Variants in HTT observed in about 807,000 individuals in gnomAD.
The protein encoded by HTT is huntingtin.
HTT carries 104 observed loss-of-function variants against 362.3 expected under a neutral mutation model. The ratio of observed to expected loss-of-function variants is 0.29; its 90% CI spans 0.24 to 0.34. HTT has a LOEUF of 0.34. HTT is among the 10% of genes least tolerant of loss of function. The probability of loss-of-function intolerance (pLI) is 1.00; values close to 1 mark genes in which losing one functional copy is unlikely to be tolerated. For synonymous variants in HTT, 1,577 were observed against 1,548.7 expected, an observed-to-expected ratio of 1.02 and a Z score of -0.43; for missense variants, 3,301 against 3,928.6, an observed-to-expected ratio of 0.84 and a Z score of 4.27.
intron 10 of HTT, 114 bp from the exon 11 acceptor site, chr4:3,125,431 TAAAC>T: frequency 1.6e-6 from 1 of 617,760 alleles, no homozygotes; most frequent in Non-Finnish European, 2.9e-6. Flanking sequence ...TATATGATGA[TAAAC>T]TATATTAGAG....
intron 33 of HTT, 31 bp from the exon 34 acceptor site, chr4:3,177,301 T>C (rs1208250807): frequency 6.9e-7 from 1 of 1,459,640 alleles, no homozygotes; most frequent in South Asian, 1.2e-5. Context: ...AATCCTATTA[T>C]TGATGTGAAA....
At chr4:3,181,972 A>G (rs559874492) in intron 36 of HTT, among the ~76,000 whole-genome samples, 4 of 152,386 alleles carry the variant, frequency 2.6e-5, no homozygotes, top group South Asian at 2.1e-4. Flanking sequence ...CACAAAGGCA[A>G]TGAGCCACCT....
rs748779241 is a variant in HTT at position 3,103,221 on chromosome 4, A to ATTTT, written c.469-586_469-583dup. 2.7e-4 allele frequency among the ~76,000 whole-genome samples: 29 copies of ATTTT among 109,036 alleles called. 2 individuals carry two copies. Among genetic ancestry groups the ATTTT allele is most frequent in the African/African-American group, 7.8e-4 (21 of 26,954 alleles). 71.5% of individuals were successfully genotyped at this position (109,036 alleles called of 152,430 possible). A position where few individuals can be genotyped will look rare whatever the true frequency, so the allele number is the denominator to read the frequency against. On this transcript the variant is annotated intron_variant, in intron 3 of 66. Transcript: ENST00000355072. ...TATATATATAAATCCTATATATATA[A>ATTTT]TTTTTTTTTTTTTTTTTTTTGAGAT...
Position 3,173,108 on chromosome 4 carries a change from G to A in HTT, c.4143G>A (p.Ala1381=), listed in dbSNP as rs771036396. ...ADASLRNMVQ[A]EQENDTSGWF... Reference sequence around the variant, plus strand: ...CCAGCCTGAGGAACATGGTGCAGGCGGAGCAGGAGAACGACACCTCGGGGT... The same window carrying A: ...CCAGCCTGAGGAACATGGTGCAGGCAGAGCAGGAGAACGACACCTCGGGGT... The change falls in exon 31 of 67, where the codon GCG becomes GCA. Residue 1381 remains alanine, a synonymous_variant. Coordinates refer to ENST00000355072, the MANE Select transcript of HTT (RefSeq NM_001388492.1). 6.8e-6 allele frequency: 11 copies of A among 1,614,046 alleles called. No homozygotes were observed. The highest frequency in any genetic ancestry group is 8.5e-6 in the Non-Finnish European group (10 of 1,180,020).
At chr4:3,182,801 C>G (rs550140039) in intron 37 of HTT, among the ~76,000 whole-genome samples, 1 of 152,328 alleles carries the variant, frequency 6.6e-6, no homozygotes, top group African/African-American at 2.4e-5. Flanking sequence ...CTCCTGCATT[C>G]TGGTCAACCC....
rs528820725 is a variant in HTT, at chr4:3,114,547, C to T, written c.748-757C>T. On this transcript the variant is annotated intron_variant, in intron 6 of 66. Transcript: ENST00000355072. ...CTTATTTGCCCAGGCGTAGCTCTGA[C>T]AGAGTCCCCGACTCATAGTGCTTGC... Among the ~76,000 whole-genome samples, 273 of 152,352 alleles carry T rather than the reference C, an allele frequency of 1.8e-3. 1 individual carries two copies. The highest frequency in any genetic ancestry group is 3.4e-3 in the Middle Eastern group (1 of 294).
intron 57 of HTT, among the ~76,000 whole-genome samples, chr4:3,227,242 A>G (rs1320526684): frequency 2.0e-5 from 3 of 146,948 alleles, no homozygotes; most frequent in Non-Finnish European, 3.0e-5. Flanking sequence ...GCTGAAGTAC[A>G]GTGCCACCCC....
chr4:3,190,263 C>G (rs753174883), intron 40 of HTT, among the ~76,000 whole-genome samples: 2 of 151,394 alleles, frequency 1.3e-5, no homozygotes, highest in Non-Finnish European at 2.9e-5. Context: ...GGGAGGATCT[C>G]TTGAGCTCAG....
rs140568040 is a variant in HTT at position 3,156,987 on chromosome 4, A to C, written c.3626-85A>C. 3.3e-4 allele frequency: 381 copies of C among 1,158,420 alleles called. 1 individual carries two copies. The African/African-American group carries it at 5.5e-3, about 17-fold the overall frequency. The allele number at this position is 1,158,420 out of a possible 1,614,324, so 71.8% of individuals were successfully genotyped here. A position where few individuals can be genotyped will look rare whatever the true frequency, so the allele number is the denominator to read the frequency against. ...ATATTTTCATACTAGAATACTTTAAAAAATCATGATTTCCAGTAATCTCTT... is the reference window on the plus strand; with the variant it reads ...ATATTTTCATACTAGAATACTTTAACAAATCATGATTTCCAGTAATCTCTT... On this transcript the variant is annotated intron_variant, in intron 27 of 66. Transcript: ENST00000355072.
chr4:3,167,017 G>C (rs1717748974), intron 29 of HTT, among the ~76,000 whole-genome samples: 1 of 152,238 alleles, frequency 6.6e-6, no homozygotes, highest in African/African-American at 2.4e-5. Context: ...CCTGTCTTCT[G>C]TGTCGATCTC....
chr4:3,123,820 T>C (rs947822197), intron 10 of HTT, among the ~76,000 whole-genome samples: 1 of 152,266 alleles, frequency 6.6e-6, no homozygotes, highest in Non-Finnish European at 1.5e-5. Context: ...GTTTGTGATA[T>C]AATCTGCTAG....
At chr4:3,167,935 G>C (rs1717790466) in intron 29 of HTT, among the ~76,000 whole-genome samples, 1 of 152,060 alleles carries the variant, frequency 6.6e-6, no homozygotes, top group African/African-American at 2.4e-5. Context: ...CTTTTTTGCT[G>C]TTTCAAGACA....
At chr4:3,136,368 G>T (rs747101045) in intron 21 of HTT, 42 bp downstream of exon 21, 1 of 1,063,350 alleles carries the variant, frequency 9.4e-7, no homozygotes, top group South Asian at 1.3e-5. Flanking sequence ...TTTGGTTGAA[G>T]TACTAAAAGA....
At chr4:3,133,103 G>C (rs1486608593) in intron 18 of HTT, among the ~76,000 whole-genome samples, 192 bp downstream of exon 18, 1 of 152,116 alleles carries the variant, frequency 6.6e-6, no homozygotes, top group Non-Finnish European at 1.5e-5. Flanking sequence ...ATAAACTTCA[G>C]TTTAAGTTCT....
intron 26 of HTT, 40 bp downstream of exon 26, chr4:3,148,247 T>C (rs764510952): frequency 2.8e-6 from 4 of 1,407,990 alleles, no homozygotes; most frequent in Non-Finnish European, 3.8e-6. Flanking sequence ...ACAGCCTTAA[T>C]GACTATGGGT....
intron 64 of HTT, among the ~76,000 whole-genome samples, chr4:3,237,173 A>C (rs1371375850): frequency 6.6e-6 from 1 of 151,806 alleles, no homozygotes; most frequent in African/African-American, 2.4e-5. Context: ...TCCCGGGTTC[A>C]AGTGATTCTC....
chr4:3,186,801 G>C, intron 38 of HTT, 82 bp downstream of exon 38: 1 of 1,164,300 alleles, frequency 8.6e-7, no homozygotes, highest in Non-Finnish European at 1.2e-6. Flanking sequence ...CAGAATGTCT[G>C]AGTCAGTCAG....
chr4:3,163,463 C>T (rs536867695), intron 29 of HTT, among the ~76,000 whole-genome samples: 107 of 152,296 alleles, frequency 7.0e-4, no homozygotes, highest in Non-Finnish European at 1.2e-3. Flanking sequence ...GGAGGATTCT[C>T]TCTTTTTCTA....
Position 3,233,303 on chromosome 4 carries a change from C to T in HTT, c.8406C>T (p.Leu2802=), listed in dbSNP as rs1358762450. 2 of 1,609,362 alleles carry T rather than the reference C, an allele frequency of 1.2e-6. No homozygotes were observed. Among genetic ancestry groups the T allele is most frequent in the South Asian group, 2.2e-5 (2 of 91,008 alleles). The change falls in exon 61 of 67, where the codon CTC becomes CTT. Residue 2802 remains leucine, a synonymous_variant. Coordinates refer to ENST00000355072, the MANE Select transcript of HTT (RefSeq NM_001388492.1). ...TGCTGGACGACACTGCCAAGCAGCT[C>T]ATCCCGGTCATCAGCGACTATCTCC... The part of the protein sequence containing the change: ...CDLLDDTAKQ[L]IPVISDYLLS...
Sources: gnomAD v4.1 joint callset for allele counts (sites outside exome capture counted in the v4.1 genomes callset) on GRCh38, gnomAD v4.1.1 for gene constraint, MANE v1.5 for transcripts, NCBI Gene and HGNC (gene_info 2026-07-23, HGNC 2026-07-21) for gene names.